Variants in BTG4 observed in about 807,000 individuals in gnomAD.
The protein encoded by BTG4 is protein BTG4.
Under a neutral mutation model 19.3 loss-of-function variants are expected in BTG4, and 10 were observed. The observed-to-expected ratio is 0.52, with a 90% CI of 0.32 to 0.88. The LOEUF (loss-of-function observed/expected upper bound fraction) is 0.88. BTG4 is among the 40% of genes least tolerant of loss of function. BTG4 has a pLI of 0.04. For synonymous variants in BTG4, 91 were observed against 95.7 expected (o/e 0.95, Z 0.29); for missense variants, 238 against 281.9 (o/e 0.84, Z 1.11).
downstream of BTG4, among the ~76,000 whole-genome samples, chr11:111,490,453 A>C (rs1180036176): frequency 3.3e-5 from 5 of 152,214 alleles, no homozygotes; most frequent in Non-Finnish European, 7.3e-5. Context: ...CATAATAATT[A>C]AAAATAAAGA....
downstream of BTG4, chr11:111,466,676 A>T (rs1218289527): frequency 6.6e-6 from 1 of 152,642 alleles, no homozygotes; most frequent in Non-Finnish European, 1.5e-5. Flanking sequence ...TGTGTTGTTA[A>T]CATATCATTA....
At chr11:111,397,563 G>A in the BTG4 span, 1 of 152,086 alleles carries the variant, frequency 6.6e-6, no homozygotes, top group East Asian at 1.9e-4. Flanking sequence ...TCAGTTTTCA[G>A]ATTAAACATC....
At chr11:111,394,017 A>G in the BTG4 span, among the ~76,000 whole-genome samples, 2 of 152,254 alleles carry the variant, frequency 1.3e-5, no homozygotes, top group Admixed American at 1.3e-4. Context: ...CAGATACAAG[A>G]GTTCCTCACC....
At chr11:111,484,785 T>C (rs976022514) in intron 5 of BTG4, among the ~76,000 whole-genome samples, 1 of 152,072 alleles carries the variant, frequency 6.6e-6, no homozygotes, top group African/African-American at 2.4e-5. Context: ...TACCTATCAA[T>C]AACAACACTG....
the BTG4 span, among the ~76,000 whole-genome samples, chr11:111,442,212 G>A: frequency 1.8e-4 from 28 of 151,710 alleles, no homozygotes; most frequent in African/African-American, 6.5e-4. Context: ...GGAAATATAC[G>A]AGATGAGATC....
At chr11:111,453,354 A>T in the BTG4 span, 1 of 413,182 alleles carries the variant, frequency 2.4e-6, no homozygotes, top group South Asian at 1.8e-5. Context: ...TTCAGGAAGG[A>T]TGCTGCTCCC....
chr11:111,504,712 A>G (rs1157674418), intron 1 of BTG4, among the ~76,000 whole-genome samples: 1 of 152,094 alleles, frequency 6.6e-6, no homozygotes, highest in Non-Finnish European at 1.5e-5. Flanking sequence ...TTGTATACCT[A>G]GAAAACCCTA....
chr11:111,513,088 T>C (rs72550779), upstream of BTG4: 19 of 436,708 alleles, frequency 4.4e-5, no homozygotes, highest in South Asian at 2.9e-4. Flanking sequence ...CGAGAGAAGA[T>C]GCCTGAGAAG....
the BTG4 span, among the ~76,000 whole-genome samples, chr11:111,446,349 G>A: frequency 3.3e-5 from 5 of 152,164 alleles, no homozygotes; most frequent in African/African-American, 7.2e-5. Context: ...CAAGGTAGTT[G>A]TGAGTACCAA....
At chr11:111,441,122 T>C in the BTG4 span, among the ~76,000 whole-genome samples, 1 of 151,632 alleles carries the variant, frequency 6.6e-6, no homozygotes, top group South Asian at 2.1e-4. Flanking sequence ...TTTCTTTTTT[T>C]TTTTTTTCAC....
chr11:111,496,315 G>T lies in BTG4; in HGVS notation c.510+896C>A, dbSNP rs117319719. Reference sequence around the variant, plus strand: ...ACAAATAAATACAACTTTCTACATGGTGTTTCGGCTGCATATTAAAAACCA... The same window carrying T: ...ACAAATAAATACAACTTTCTACATGTTGTTTCGGCTGCATATTAAAAACCA... On this transcript the variant is annotated intron_variant, in intron 4 of 4. Transcript: ENST00000692032. Among the ~76,000 whole-genome samples, 670 of 152,176 alleles carry T rather than the reference G, an allele frequency of 4.4e-3. 1 individual carries two copies. The highest frequency in any genetic ancestry group is 7.5e-3 in the Non-Finnish European group (511 of 68,000).
At chr11:111,477,064 T>C (rs1591464493) in intron 5 of BTG4, among the ~76,000 whole-genome samples, 1 of 152,138 alleles carries the variant, frequency 6.6e-6, no homozygotes, top group Non-Finnish European at 1.5e-5. Context: ...AGACCTTTTT[T>C]CTATATTCCT....
the BTG4 span, among the ~76,000 whole-genome samples, chr11:111,388,212 T>C: frequency 3.3e-5 from 5 of 152,164 alleles, no homozygotes; most frequent in African/African-American, 1.2e-4. Flanking sequence ...ATACTTACTA[T>C]AAAGAGATAT....
chr11:111,467,013 C>CTTTCTA (rs917559920), downstream of BTG4: 2 of 152,654 alleles, frequency 1.3e-5, no homozygotes, highest in Admixed American at 1.3e-4. Context: ...GAACAGCAAA[C>CTTTCTA]TTTCTAGTCT....
chr11:111,454,104 A>G, the BTG4 span: 1 of 334,158 alleles, frequency 3.0e-6, no homozygotes, highest in Admixed American at 4.1e-5. Context: ...CTTACCCAAG[A>G]ACTACACTTT....
chr11:111,441,949 C>T, the BTG4 span, among the ~76,000 whole-genome samples: 1 of 151,834 alleles, frequency 6.6e-6, no homozygotes, highest in Non-Finnish European at 1.5e-5. Context: ...ATCCCAGCTA[C>T]TCAGGAGGCT....
At chr11:111,438,427 C>A in the BTG4 span, among the ~76,000 whole-genome samples, 1 of 152,224 alleles carries the variant, frequency 6.6e-6, no homozygotes, top group Non-Finnish European at 1.5e-5. Context: ...TGGCCTGACT[C>A]TGTTCTTTCT....
At chr11:111,395,142 G>T in the BTG4 span, among the ~76,000 whole-genome samples, 1 of 152,242 alleles carries the variant, frequency 6.6e-6, no homozygotes. Context: ...ATTGGCCCAG[G>T]CCAGGTGGGC....
At chr11:111,435,646 C>T in the BTG4 span, among the ~76,000 whole-genome samples, 1 of 152,168 alleles carries the variant, frequency 6.6e-6, no homozygotes, top group Non-Finnish European at 1.5e-5. Context: ...TGTGGACACT[C>T]GTGCCCACTG....
Sources: gnomAD v4.1 joint callset for allele counts (sites outside exome capture counted in the v4.1 genomes callset) on GRCh38, gnomAD v4.1.1 for gene constraint, MANE v1.5 for transcripts, NCBI Gene and HGNC (gene_info 2026-07-23, HGNC 2026-07-21) for gene names.